The following SUPT3H variants were observed in gnomAD, a reference collection of about 807,000 sequenced individuals.
SUPT3H encodes the protein SPT3 homolog, SAGA and STAGA complex component.
SUPT3H carries 44 observed loss-of-function variants against 44.3 expected under a neutral mutation model. The ratio of observed to expected loss-of-function variants is 0.99; its 90% confidence interval spans 0.78 to 1.28. The LOEUF is 1.28. Among genes scored for constraint, SUPT3H ranks in the 50% most tolerant of loss-of-function variants. The pLI, the probability that SUPT3H is intolerant of heterozygous loss-of-function variation, is 0.00. For missense variants in SUPT3H, 380 were observed against 387.1 expected, an observed-to-expected ratio of 0.98 and a Z score of 0.15; for synonymous variants, 124 against 125.6, an observed-to-expected ratio of 0.99 and a Z score of 0.09.
intron 10 of SUPT3H, among the ~76,000 whole-genome samples, chr6:44,887,482 G>C (rs1433909415): frequency 1.3e-5 from 2 of 152,032 alleles, no homozygotes; most frequent in African/African-American, 2.4e-5. Context: ...AAGTGCTCAA[G>C]TACATGGAAA....
At chr6:45,062,586 G>A (rs997406967) in intron 3 of SUPT3H, among the ~76,000 whole-genome samples, 6 of 152,180 alleles carry the variant, frequency 3.9e-5, no homozygotes, top group Non-Finnish European at 5.9e-5. Context: ...GACAGTGGGC[G>A]CAGGCCAGTG....
chr6:44,917,230 T>C (rs1444289332), intron 10 of SUPT3H, among the ~76,000 whole-genome samples: 2 of 152,150 alleles, frequency 1.3e-5, no homozygotes, highest in Non-Finnish European at 2.9e-5. Flanking sequence ...CAAAAGCCCT[T>C]GAAAAACCAT....
intron 2 of SUPT3H, among the ~76,000 whole-genome samples, chr6:45,234,523 G>A (rs1226652262): frequency 8.7e-6 from 1 of 114,564 alleles, no homozygotes; most frequent in Non-Finnish European, 1.8e-5. Context: ...AGAACGAGAC[G>A]CTGTCACAAA....
intron 10 of SUPT3H, among the ~76,000 whole-genome samples, chr6:44,917,069 G>C (rs1258420128): frequency 1.3e-5 from 2 of 152,054 alleles, no homozygotes; most frequent in Non-Finnish European, 2.9e-5. Context: ...CGGGAGGATT[G>C]TTTGAGCCTG....
chr6:45,092,478 C>T (rs1041857019), intron 3 of SUPT3H, among the ~76,000 whole-genome samples: 8 of 152,104 alleles, frequency 5.3e-5, no homozygotes, highest in Non-Finnish European at 1.2e-4. Flanking sequence ...CAGCCGGGTG[C>T]GGTGGCTCAC....
chr6:45,361,679 T>C (rs1055389413), intron 2 of SUPT3H: 4 of 152,188 alleles, frequency 2.6e-5, no homozygotes, highest in African/African-American at 9.7e-5. Flanking sequence ...TGCTCAGTTA[T>C]ATGCACTAGG....
intron 9 of SUPT3H, among the ~76,000 whole-genome samples, chr6:44,936,783 T>A (rs1771502438): frequency 6.6e-6 from 1 of 152,162 alleles, no homozygotes; most frequent in Non-Finnish European, 1.5e-5. Flanking sequence ...TTCTCATGCA[T>A]AAGCCACCCA....
intron 10 of SUPT3H, among the ~76,000 whole-genome samples, chr6:44,857,632 T>C (rs879881313): frequency 6.6e-6 from 1 of 152,218 alleles, no homozygotes; most frequent in Non-Finnish European, 1.5e-5. Flanking sequence ...AGTTCTTTTC[T>C]ATTCTGGAGG....
At chr6:45,018,780 T>G (rs986310094) in intron 4 of SUPT3H, among the ~76,000 whole-genome samples, 12 of 152,198 alleles carry the variant, frequency 7.9e-5, no homozygotes, top group African/African-American at 2.4e-4. Context: ...TGCATCAATG[T>G]TCATCAAGGA....
At chr6:44,893,413 T>C (rs980018023) in intron 10 of SUPT3H, among the ~76,000 whole-genome samples, 5 of 151,636 alleles carry the variant, frequency 3.3e-5, no homozygotes, top group African/African-American at 1.2e-4. Flanking sequence ...GAGTGTGATG[T>C]TCCCCTTCCT....
At chr6:44,815,571 CA>C (rs1489070571) in intron 11 of SUPT3H, among the ~76,000 whole-genome samples, 1 of 152,026 alleles carries the variant, frequency 6.6e-6, no homozygotes, top group Admixed American at 6.6e-5. Flanking sequence ...GACATACTGT[CA>C]GGGGTAAAAA....
rs56936002 is a variant in SUPT3H, at chr6:44,850,745, C to CATCTATCTATCTATCT, written c.913-20904_913-20889dup. On this transcript the variant is annotated intron_variant, in intron 10 of 10. Coordinates refer to ENST00000371459, the MANE Select transcript of SUPT3H (RefSeq NM_003599.4). ...CTTATTTTGCTTTTGGTTTTATATA[C>CATCTATCTATCTATCT]ATCTATCTATCTATCTATCTATCTA... Among the ~76,000 whole-genome samples, 1,352 of 147,546 alleles carry CATCTATCTATCTATCT rather than the reference C, an allele frequency of 9.2e-3. 8 individuals are homozygous for CATCTATCTATCTATCT. The highest frequency in any genetic ancestry group is 0.012 in the East Asian group (61 of 5,020).
intron 6 of SUPT3H, among the ~76,000 whole-genome samples, chr6:44,972,590 G>T (rs1477493125): frequency 1.3e-5 from 2 of 152,226 alleles, no homozygotes; most frequent in African/African-American, 2.4e-5. Flanking sequence ...GTAGGGACCT[G>T]TGTGGTGGCT....
intron 10 of SUPT3H, among the ~76,000 whole-genome samples, chr6:44,891,547 C>G (rs1000170696): frequency 6.6e-6 from 1 of 151,764 alleles, no homozygotes; most frequent in Non-Finnish European, 1.5e-5. Flanking sequence ...CTAGAATAGG[C>G]AAATTCTTAT....
At chr6:45,037,660 T>C (rs1787887136) in intron 3 of SUPT3H, among the ~76,000 whole-genome samples, 1 of 151,318 alleles carries the variant, frequency 6.6e-6, no homozygotes, top group Non-Finnish European at 1.5e-5. Context: ...CGAGACTCCA[T>C]ATTAAAAATT....
chr6:44,992,247 T>G (rs1352713020), intron 6 of SUPT3H, among the ~76,000 whole-genome samples: 1 of 152,128 alleles, frequency 6.6e-6, no homozygotes, highest in Non-Finnish European at 1.5e-5. Flanking sequence ...CAAACTGAAA[T>G]TACTTGAGAC....
At chr6:45,125,713 T>C (rs960980191) in intron 2 of SUPT3H, among the ~76,000 whole-genome samples, 3 of 152,132 alleles carry the variant, frequency 2.0e-5, no homozygotes, top group East Asian at 3.9e-4. Context: ...AGATTATGGC[T>C]TCAGTAAACT....
At chr6:44,994,434 T>C (rs1233695939) in intron 6 of SUPT3H, among the ~76,000 whole-genome samples, 1 of 152,244 alleles carries the variant, frequency 6.6e-6, no homozygotes, top group Middle Eastern at 3.4e-3. Flanking sequence ...TGCCGTAATG[T>C]TAAAGACCTT....
At chr6:44,950,708 T>G (rs1774150478) in intron 9 of SUPT3H, among the ~76,000 whole-genome samples, 1 of 151,856 alleles carries the variant, frequency 6.6e-6, no homozygotes, top group Non-Finnish European at 1.5e-5. Flanking sequence ...TGCTCAAGAA[T>G]GATACCCCTT....
Sources: gnomAD v4.1 joint callset for allele counts (sites outside exome capture counted in the v4.1 genomes callset) on GRCh38, gnomAD v4.1.1 for gene constraint, MANE v1.5 for transcripts, NCBI Gene and HGNC (gene_info 2026-07-23, HGNC 2026-07-21) for gene names.